The following GPHN variants were observed in gnomAD, a reference collection of about 807,000 sequenced individuals.
GPHN encodes the protein gephyrin.
A neutral mutation model predicts 95.5 loss-of-function variants in GPHN; 17 were observed. That is an observed-to-expected ratio of 0.18 (90% CI 0.12 to 0.27). GPHN has a LOEUF of 0.27. GPHN is among the 10% of genes least tolerant of loss of function. The pLI, the probability that GPHN is intolerant of heterozygous loss-of-function variation, is 1.00. For synonymous variants in GPHN, 320 were observed against 322.5 expected, an observed-to-expected ratio of 0.99 and a Z score of 0.08; for missense variants, 660 against 978.1, an observed-to-expected ratio of 0.67 and a Z score of 4.34.
chr14:66,924,090 A>AT (rs2066352898), intron 7 of GPHN, 104 bp from the exon 8 acceptor site: 2 of 720,868 alleles, frequency 2.8e-6, no homozygotes, highest in Admixed American at 4.0e-5. Context: ...TTAGCATTTC[A>AT]TTTTTCCATT....
At chr14:66,629,112 C>CATATTTATTT (rs2063641556) in intron 1 of GPHN, among the ~76,000 whole-genome samples, 1 of 129,662 alleles carries the variant, frequency 7.7e-6, no homozygotes, top group South Asian at 2.3e-4. Context: ...TATTTATATA[C>CATATTTATTT]ATATATAAAT....
chr14:67,482,380 C>T, the GPHN span, among the ~76,000 whole-genome samples: 1 of 152,236 alleles, frequency 6.6e-6, no homozygotes, highest in Non-Finnish European at 1.5e-5. Context: ...TTTCAGGGGG[C>T]TAAGGTGCCA....
At chr14:66,944,437 T>C (rs932495923) in intron 8 of GPHN, among the ~76,000 whole-genome samples, 1 of 152,234 alleles carries the variant, frequency 6.6e-6, no homozygotes, top group African/African-American at 2.4e-5. Flanking sequence ...CAGCAAAGTT[T>C]GCTACTGACC....
the GPHN span, among the ~76,000 whole-genome samples, chr14:67,244,596 A>C: frequency 6.6e-6 from 1 of 152,210 alleles, no homozygotes; most frequent in South Asian, 2.1e-4. Context: ...TCACCTATCC[A>C]TTCACCAGTT....
the GPHN span, among the ~76,000 whole-genome samples, chr14:67,442,540 C>T: frequency 2.2e-4 from 34 of 152,310 alleles, no homozygotes; most frequent in Non-Finnish European, 4.6e-4. Flanking sequence ...AAGGAGCACT[C>T]GTCCCTGCCT....
the GPHN span, chr14:67,695,723 A>G: frequency 6.2e-7 from 1 of 1,613,264 alleles, no homozygotes; most frequent in Non-Finnish European, 8.5e-7. Flanking sequence ...CTGCAGCGGC[A>G]CCAGAGCGGG....
At chr14:66,877,884 T>C (rs1196077850) in intron 4 of GPHN, among the ~76,000 whole-genome samples, 1 of 151,904 alleles carries the variant, frequency 6.6e-6, no homozygotes. Context: ...AAAACTACTT[T>C]AATATGGAAC....
At chr14:67,662,973 A>ACCACTT in the GPHN span, 571 of 1,361,048 alleles carry the variant, frequency 4.2e-4, 4 homozygotes, top group Middle Eastern at 0.01. Flanking sequence ...CCCACAGTGA[A>ACCACTT]CCACTTCTAT....
the GPHN span, among the ~76,000 whole-genome samples, chr14:67,213,359 C>A: frequency 7.5e-6 from 1 of 134,192 alleles, no homozygotes; most frequent in Admixed American, 8.2e-5. Flanking sequence ...GTTCCCCTTC[C>A]TGTGTCCATG....
the GPHN span, chr14:67,651,489 G>C: frequency 6.2e-7 from 1 of 1,613,316 alleles, no homozygotes; most frequent in Non-Finnish European, 8.5e-7. Flanking sequence ...ACTCTACAAA[G>C]AGAAGCAAAG....
the GPHN span, among the ~76,000 whole-genome samples, chr14:67,494,280 A>G: frequency 2.0e-5 from 3 of 152,344 alleles, no homozygotes; most frequent in South Asian, 6.2e-4. Context: ...CCTTTTGACA[A>G]AGGATAAGAG....
At chr14:67,240,806 C>T in the GPHN span, among the ~76,000 whole-genome samples, 1 of 152,242 alleles carries the variant, frequency 6.6e-6, no homozygotes, top group Non-Finnish European at 1.5e-5. Context: ...CTAGTCCTTG[C>T]TATCCTTGCT....
At chr14:67,260,387 A>C in the GPHN span, among the ~76,000 whole-genome samples, 1 of 152,150 alleles carries the variant, frequency 6.6e-6, no homozygotes, top group Admixed American at 6.5e-5. Flanking sequence ...GATTAAAAAG[A>C]TTTTCATTCA....
chr14:67,222,525 C>T, the GPHN span, among the ~76,000 whole-genome samples: 1 of 152,196 alleles, frequency 6.6e-6, no homozygotes, highest in Non-Finnish European at 1.5e-5. Flanking sequence ...ATCTGCCCAC[C>T]TGGGCCTCCC....
the GPHN span, among the ~76,000 whole-genome samples, chr14:67,236,662 C>A: frequency 2.0e-5 from 3 of 152,306 alleles, no homozygotes; most frequent in South Asian, 6.2e-4. Flanking sequence ...CAGGGATATA[C>A]TATATTTAGC....
At chr14:67,289,118 C>A in the GPHN span, among the ~76,000 whole-genome samples, 1 of 145,018 alleles carries the variant, frequency 6.9e-6, no homozygotes, top group African/African-American at 2.7e-5. Context: ...AGGAGCACAC[C>A]GCCATAACTG....
the GPHN span, among the ~76,000 whole-genome samples, chr14:67,362,048 CAG>C: frequency 7.3e-6 from 1 of 136,592 alleles, no homozygotes; most frequent in South Asian, 2.4e-4. Flanking sequence ...TTTTTTGAGA[CAG>C]AGTCTCTGTT....
At chr14:66,874,672 A>C (rs540739871) in intron 4 of GPHN, among the ~76,000 whole-genome samples, 1 of 152,338 alleles carries the variant, frequency 6.6e-6, no homozygotes, top group African/African-American at 2.4e-5. Context: ...TTGAAGATCA[A>C]ATTAATGAAA....
chr14:67,609,410 C>G, the GPHN span, among the ~76,000 whole-genome samples: 3 of 152,088 alleles, frequency 2.0e-5, no homozygotes, highest in Non-Finnish European at 4.4e-5. Context: ...CTTCCCTGTA[C>G]CCCATATGTG....
Sources: gnomAD v4.1 joint callset for allele counts (sites outside exome capture counted in the v4.1 genomes callset) on GRCh38, gnomAD v4.1.1 for gene constraint, MANE v1.5 for transcripts, NCBI Gene and HGNC (gene_info 2026-07-23, HGNC 2026-07-21) for gene names.